The following ASB4 variants were observed in gnomAD, a reference collection of about 807,000 sequenced individuals.
ASB4 encodes the protein ankyrin repeat and SOCS box containing 4, also known as ankyrin repeat and SOCS box protein 4.
ASB4 carries 35 observed loss-of-function variants against 38.6 expected under a neutral mutation model. The ratio of observed to expected loss-of-function variants is 0.91; its 90% CI spans 0.69 to 1.20. ASB4 has a LOEUF of 1.20. Ranked by LOEUF, ASB4 falls within the 50% of genes most tolerant of loss-of-function variation. The pLI, the probability that ASB4 is intolerant of heterozygous loss-of-function variation, is 0.00. For missense variants in ASB4, 557 were observed against 527.2 expected (o/e 1.06, Z -0.55); for synonymous variants, 195 against 201.3 (o/e 0.97, Z 0.26).
chr7:95,484,458 T>C (rs1411140936), upstream of ASB4, among the ~76,000 whole-genome samples: 1 of 152,218 alleles, frequency 6.6e-6, no homozygotes, highest in Non-Finnish European at 1.5e-5. Context: ...AACTAGTCTA[T>C]GGTTTAACCT....
At chr7:95,503,065 T>C (rs989971844) in intron 2 of ASB4, among the ~76,000 whole-genome samples, 3 of 152,230 alleles carry the variant, frequency 2.0e-5, no homozygotes, top group Non-Finnish European at 4.4e-5. Context: ...CTGAAAATTA[T>C]ATGTGACTAT....
intron 2 of ASB4, among the ~76,000 whole-genome samples, chr7:95,515,509 G>A (rs111401235): frequency 0.048 from 7,132 of 149,264 alleles, 222 homozygotes; most frequent in South Asian, 0.09. Context: ...TCTGCATCCC[G>A]TGTTCAAGTG....
intron 3 of ASB4, among the ~76,000 whole-genome samples, chr7:95,533,977 A>G (rs1327539748): frequency 6.6e-6 from 1 of 152,206 alleles, no homozygotes; most frequent in African/African-American, 2.4e-5. Context: ...GGCTTCTGCC[A>G]GCACATACTT....
chr7:95,525,295 A>G (rs1446570345), intron 2 of ASB4, among the ~76,000 whole-genome samples: 2 of 152,204 alleles, frequency 1.3e-5, no homozygotes, highest in South Asian at 2.1e-4. Flanking sequence ...AGTGTGTGGT[A>G]TTTTGTTAGG....
At chr7:95,533,244 C>T (rs1790843135) in intron 3 of ASB4, among the ~76,000 whole-genome samples, 1 of 152,004 alleles carries the variant, frequency 6.6e-6, no homozygotes. Flanking sequence ...GTGTATGGCC[C>T]CCTAACTAAA....
rs534021104 is a variant in ASB4 at position 95,517,147 on chromosome 7, T to C, written c.488-10666T>C. Among the ~76,000 whole-genome samples, 25 of 152,310 alleles carry C rather than the reference T, an allele frequency of 1.6e-4. No individual in the cohort carries two copies. The East Asian group carries it at 4.2e-3, about 26-fold the overall frequency. Reference sequence around the variant, plus strand: ...AAATTGGGTTATTTGGCTTTTTCTATTGAGTTGTAATAGTTCTATTTTTTT... The same window carrying C: ...AAATTGGGTTATTTGGCTTTTTCTACTGAGTTGTAATAGTTCTATTTTTTT... On this transcript the variant is annotated intron_variant, in intron 2 of 4. Coordinates refer to ENST00000325885, the MANE Select transcript of ASB4 (RefSeq NM_016116.3).
At chr7:95,516,375 A>T (rs372614332) in intron 2 of ASB4, among the ~76,000 whole-genome samples, 37 of 152,194 alleles carry the variant, frequency 2.4e-4, no homozygotes, top group African/African-American at 8.7e-4. Context: ...AATAAAATAA[A>T]TACAGGGTGA....
chr7:95,480,404 C>T (rs927765013), intron 1 of ASB4, among the ~76,000 whole-genome samples: 3 of 152,168 alleles, frequency 2.0e-5, no homozygotes, highest in African/African-American at 7.2e-5. Context: ...TCCTGGTTTT[C>T]ACACCTTTAA....
intron 2 of ASB4, among the ~76,000 whole-genome samples, chr7:95,518,144 A>G (rs1332177968): frequency 1.3e-5 from 2 of 152,230 alleles, no homozygotes; most frequent in Non-Finnish European, 2.9e-5. Context: ...CAATTCAGCA[A>G]TGGTAGAAAT....
Position 95,527,900 on chromosome 7 carries a change from CCTT to C in ASB4, c.578_580del (p.Phe193del). On this transcript the variant is annotated inframe_deletion, in exon 3 of 5. Transcript: ENST00000325885. ...CACTTCGGCCTTTCGGAGCTGGTGGCCTTCTACGTGGAACACGGGGCCATAGTG... is the reference window on the plus strand; with the variant it reads ...CACTTCGGCCTTTCGGAGCTGGTGGCCTACGTGGAACACGGGGCCATAGTG... 1 of 1,614,038 alleles carries C rather than the reference CCTT, an allele frequency of 6.2e-7. No homozygotes were observed.
intron 2 of ASB4, among the ~76,000 whole-genome samples, chr7:95,504,521 C>A (rs767526301): frequency 4.6e-5 from 7 of 152,178 alleles, no homozygotes; most frequent in African/African-American, 1.4e-4. Flanking sequence ...TAGCATAAAT[C>A]TGACCATGTT....
At chr7:95,526,234 C>A (rs1159753170) in intron 2 of ASB4, among the ~76,000 whole-genome samples, 1 of 152,170 alleles carries the variant, frequency 6.6e-6, no homozygotes, top group East Asian at 1.9e-4. Flanking sequence ...TGGGAGAGAG[C>A]CCCAGGTGGG....
At chr7:95,511,800 C>T (rs915678604) in intron 2 of ASB4, among the ~76,000 whole-genome samples, 1 of 152,186 alleles carries the variant, frequency 6.6e-6, no homozygotes, top group South Asian at 2.1e-4. Flanking sequence ...AAACACTGAG[C>T]TTGAGACAAA....
At chr7:95,540,512 A>G (rs1372792569), downstream of ASB4, among the ~76,000 whole-genome samples, 2 of 152,182 alleles carry the variant, frequency 1.3e-5, no homozygotes, top group Non-Finnish European at 2.9e-5. Context: ...GCCTCTCACC[A>G]TCTCTGTCCT....
intron 2 of ASB4, among the ~76,000 whole-genome samples, chr7:95,517,306 C>A (rs1286822490): frequency 6.6e-6 from 1 of 152,134 alleles, no homozygotes; most frequent in African/African-American, 2.4e-5. Flanking sequence ...AATGCTGGGA[C>A]TACAGACGTT....
intron 2 of ASB4, among the ~76,000 whole-genome samples, chr7:95,510,126 T>TA (rs150813202): frequency 0.048 from 7,158 of 149,526 alleles, 329 homozygotes; most frequent in South Asian, 0.12. Context: ...AGGCTTTTCT[T>TA]AAAAAAAAAA....
chr7:95,501,564 T>C (rs74846459), intron 2 of ASB4, among the ~76,000 whole-genome samples: 2 of 152,362 alleles, frequency 1.3e-5, no homozygotes, highest in East Asian at 3.9e-4. Context: ...GCAGTGTTAC[T>C]AACTATAGTC....
intron 1 of ASB4, among the ~76,000 whole-genome samples, chr7:95,480,250 T>C (rs1379942797): frequency 6.6e-6 from 1 of 152,234 alleles, no homozygotes; most frequent in Non-Finnish European, 1.5e-5. Context: ...TCTTACTGTC[T>C]GTTTTTTTGT....
intron 2 of ASB4, among the ~76,000 whole-genome samples, chr7:95,497,545 A>G (rs536038270): frequency 5.3e-5 from 8 of 152,184 alleles, no homozygotes; most frequent in Non-Finnish European, 1.2e-4. Context: ...CATTAAATCC[A>G]TTTTTTAAAA....
Sources: allele counts gnomAD v4.1 joint callset (sites outside exome capture counted in the v4.1 genomes callset), GRCh38; gene constraint gnomAD v4.1.1; transcripts MANE v1.5; gene names NCBI Gene and HGNC (gene_info 2026-07-23, HGNC 2026-07-21).